The following INTS5 variants were observed in gnomAD, a reference collection of about 807,000 sequenced individuals.
INTS5 encodes KIAA1698.
A neutral mutation model predicts 60.0 loss-of-function variants in INTS5; 29 were observed. The observed-to-expected ratio is 0.48, with a 90% confidence interval of 0.36 to 0.66. The LOEUF (loss-of-function observed/expected upper bound fraction) is 0.66, where lower values mean the gene tolerates loss of function less well. Ranked by LOEUF, INTS5 falls within the 30% of genes least tolerant of loss-of-function variation. The probability of loss-of-function intolerance (pLI) is 0.00; values close to 1 mark genes in which losing one functional copy is unlikely to be tolerated. For synonymous variants in INTS5, 588 were observed against 558.8 expected, an observed-to-expected ratio of 1.05 and a Z score of -0.74; for missense variants, 1,129 against 1,307.9, an observed-to-expected ratio of 0.86 and a Z score of 2.11.
rs373410589 is a variant in INTS5 at position 62,649,891 on chromosome 11, G to A, written c.189C>T (p.Leu63=). 20 of 1,614,174 alleles carry A rather than the reference G, an allele frequency of 1.2e-5. No individual in the cohort carries two copies. The highest frequency in any genetic ancestry group is 1.7e-5 in the Non-Finnish European group (20 of 1,180,030). The change falls in exon 2 of 2, where the codon CTC becomes CTT. Residue 63 remains leucine, a synonymous_variant. Coordinates refer to ENST00000330574, the MANE Select transcript of INTS5 (RefSeq NM_030628.2). The surrounding 1 kb of genome is among the most constrained non-coding windows in gnomAD (Gnocchi z 6.0). ...CAGCCCGAGCAGGTGGCAAAGAACG[G>A]AGCAGGAGAAGACCACAGCGAGCAT... ...REHARCGLLL[L]RSLPPARAAV... is the part of the protein sequence containing the mutation.
In INTS5 at chr11:62,647,581, G is replaced by A. The variant is rs757840105; in HGVS notation, c.2499C>T (p.Pro833=). The change falls in exon 2 of 2, where the codon CCC becomes CCT. Residue 833 remains proline, a synonymous_variant. Transcript: ENST00000330574. ...DAAGAELAWP[P]EEHARATVER... ...CCACGGTGGCCCGGGCGTGTTCCTCGGGGGGCCAGGCCAGCTCTGCACCAG... is the reference window on the plus strand; with the variant it reads ...CCACGGTGGCCCGGGCGTGTTCCTCAGGGGGCCAGGCCAGCTCTGCACCAG... The A allele has an allele frequency of 1.5e-5, 25 of 1,613,764 alleles. No individual in the cohort carries two copies. Among genetic ancestry groups the A allele is most frequent in the Non-Finnish European group, 1.9e-5 (23 of 1,180,016 alleles).
At position 62,649,453 on chromosome 11, in the gene INTS5, C is replaced by G; in HGVS notation, c.627G>C (p.Val209=). The change falls in exon 2 of 2, where the codon GTG becomes GTC. Residue 209 remains valine (V), a synonymous_variant. Coordinates refer to ENST00000330574, the MANE Select transcript of INTS5 (RefSeq NM_030628.2). The surrounding 1 kb of genome is among the most constrained non-coding windows in gnomAD (Gnocchi z 6.0). ...ALIGSCPDAC[V]DALLDTSVQH... ...GAACAGAGGTATCCAGCAAGGCATC[C>G]ACACACGCATCTGGGCAGCTACCAA... 1 of 1,614,194 alleles carries G rather than the reference C, an allele frequency of 6.2e-7. No homozygotes were observed.
Position 62,648,951 on chromosome 11 carries a change from G to A in INTS5, c.1129C>T (p.Gln377Ter). 6.2e-7 allele frequency: 1 copy of A among 1,612,796 alleles called. No individual in the cohort carries two copies. Among genetic ancestry groups the A allele is most frequent in the Non-Finnish European group, 8.5e-7 (1 of 1,179,360 alleles). ...AVLSQLQQHL[Q>*]GFPREELDNM... The stretch of plus-strand genomic sequence containing the variant: ...TCCAGCTCCTCTCGGGGGAATCCTT[G>A]AAGGTGTTGCTGCAGCTGGCTCAGC... Residue 377 changes from glutamine to a stop codon, truncating the protein, a stop_gained, in exon 2 of 2, where the codon CAA becomes TAA. Coordinates refer to ENST00000330574, the MANE Select transcript of INTS5 (RefSeq NM_030628.2). LOFTEE classifies it high-confidence loss of function. The surrounding 1 kb of genome is among the most constrained non-coding windows in gnomAD (Gnocchi z 4.4).
chr11:62,649,279 A>G lies in INTS5; in HGVS notation c.801T>C (p.Ser267=), dbSNP rs187940318. ...GGGAGSSGGS[S]SQTPSTDPFP... is the part of the protein sequence containing the mutation. ...AGGGGTCTGTAGAGGGGGTCTGAGA[A>G]GAGCTTCCACCACTACTGCCAGCTC... The change falls in exon 2 of 2, where the codon TCT becomes TCC. Residue 267 remains serine (S), a synonymous_variant. Coordinates refer to ENST00000330574, the MANE Select transcript of INTS5 (RefSeq NM_030628.2). The surrounding 1 kb of genome is among the most constrained non-coding windows in gnomAD (Gnocchi z 6.0). 98 of 1,614,118 alleles carry G rather than the reference A, an allele frequency of 6.1e-5. No individual in the cohort carries two copies. Among genetic ancestry groups the G allele is most frequent in the Middle Eastern group, 4.9e-4 (3 of 6,062 alleles).
Position 62,647,244 on chromosome 11 carries a change from C to T in INTS5, c.2836G>A (p.Val946Ile), listed in dbSNP as rs1459692234. 4 of 1,614,252 alleles carry T rather than the reference C, an allele frequency of 2.5e-6. No individual in the cohort carries two copies. The South Asian group carries it at 3.3e-5, about 13-fold the overall frequency. The change falls in exon 2 of 2, where the codon GTC (valine) becomes ATC (isoleucine). Residue 946 changes from valine to isoleucine, a missense_variant. Val to Ile is a conservative substitution (Grantham distance 29). Around this residue, in one of 3 missense-constraint regions of INTS5, gnomAD observed 1,070 missense variants for 1,246.1 expected, o/e 0.86. Transcript: ENST00000330574. Reference protein sequence around the residue: ...PFEVRLLLLSVWGFLREHGPL... With the variant: ...PFEVRLLLLSIWGFLREHGPL... ...CCATGCTCCCGGAGAAAACCCCAGACACTGAGCAGCAGCAGACGCACCTCG... is the reference window on the plus strand; with the variant it reads ...CCATGCTCCCGGAGAAAACCCCAGATACTGAGCAGCAGCAGACGCACCTCG...
chr11:62,647,895 A>C lies in INTS5; in HGVS notation c.2185T>G (p.Leu729Val). The change falls in exon 2 of 2, where the codon TTG (leucine) becomes GTG (valine). Residue 729 changes from leucine to valine, a missense_variant. Physicochemically the swap from Leu to Val is conservative, Grantham distance 32. This residue lies in a region of INTS5 where 1,070 missense variants were observed against 1,246.1 expected (regional missense o/e 0.86). Transcript: ENST00000330574. Reference protein sequence around the residue: ...VSASLASASLLDTNRRHTAAV... With the variant: ...VSASLASASLVDTNRRHTAAV... ...GCAGTGTGCCTCCGGTTAGTGTCCA[A>C]CAGGGAGGCAGAAGCCAAAGAAGCT... 6.2e-7 allele frequency: 1 copy of C among 1,614,224 alleles called. No homozygotes were observed. The highest frequency in any genetic ancestry group is 8.5e-7 in the Non-Finnish European group (1 of 1,180,042).
At position 62,647,604 on chromosome 11, in the gene INTS5, C is replaced by T. The variant is rs1944539245; in HGVS notation, c.2476G>A (p.Gly826Ser). Residue 826 changes from glycine (G) to serine (S), a missense_variant, in exon 2 of 2, where the codon GGT becomes AGT. This residue lies in a region of INTS5 where 1,070 missense variants were observed against 1,246.1 expected (regional missense o/e 0.86). Transcript: ENST00000330574. The stretch of plus-strand genomic sequence containing the variant: ...TCGGGGGGCCAGGCCAGCTCTGCAC[C>T]AGCTGCATCGGGACACACACTCTCC... ...LVESVCPDAA[G>S]AELAWPPEEH... 6.2e-7 allele frequency: 1 copy of T among 1,613,998 alleles called. No individual in the cohort carries two copies. Among genetic ancestry groups the T allele is most frequent in the Non-Finnish European group, 8.5e-7 (1 of 1,180,014 alleles).
rs1306797736 is a variant in INTS5, at chr11:62,650,006, G to A, written c.81-7C>T. 1 of 1,607,542 alleles carries A rather than the reference G, an allele frequency of 6.2e-7. No individual in the cohort carries two copies. Among genetic ancestry groups the A allele is most frequent in the Non-Finnish European group, 8.5e-7 (1 of 1,174,836 alleles). ...CTGGGACAGCTCCTGAGCACTACAAGGAAGCAAAAGAAACAGACTTAAGAG... is the reference window on the plus strand; with the variant it reads ...CTGGGACAGCTCCTGAGCACTACAAAGAAGCAAAAGAAACAGACTTAAGAG... On this transcript the variant is annotated splice_region_variant and splice_polypyrimidine_tract_variant and intron_variant, in intron 1 of 1. Coordinates refer to ENST00000330574, the MANE Select transcript of INTS5 (RefSeq NM_030628.2).
At position 62,647,431 on chromosome 11, in the gene INTS5, G is replaced by A. The variant is rs538362964; in HGVS notation, c.2649C>T (p.Ala883=). ...AGGCTTCCCAATGGCCCAAGAGGGC[G>A]GCCAGCAGCCCCCGAAGCAGCACGG... The part of the protein sequence containing the change: ...YCSVLLRGLL[A]ALLGHWEASR... The change falls in exon 2 of 2, where the codon GCC becomes GCT. Residue 883 remains alanine, a synonymous_variant. Transcript: ENST00000330574. The A allele has an allele frequency of 2.5e-5, 41 of 1,609,234 alleles. No individual in the cohort carries two copies. In the South Asian group the frequency reaches 3.7e-4, roughly 15 times the overall value.
chr11:62,653,277 C>G lies in INTS5; in HGVS notation c.-28G>C, dbSNP rs1445972075. 8.1e-7 allele frequency: 1 copy of G among 1,240,472 alleles called. No homozygotes were observed. Among genetic ancestry groups the G allele is most frequent in the East Asian group, 3.2e-5 (1 of 31,572 alleles). 76.8% of individuals were successfully genotyped at this position (1,240,472 alleles called of 1,614,324 possible). ...CGGAGCCCGAGCCGAGCCCGAGGCG[C>G]GAGCGGCGGAGCGCAGGCGGCGCAT... On this transcript the variant is annotated 5_prime_UTR_variant, in exon 1 of 2. Transcript: ENST00000330574.
Position 62,648,421 on chromosome 11 carries a change from A to G in INTS5, c.1659T>C (p.Ala553=), listed in dbSNP as rs748982361. 1.9e-6 allele frequency: 3 copies of G among 1,614,216 alleles called. No homozygotes were observed. In the Admixed American group the frequency reaches 5.0e-5, roughly 27 times the overall value. The part of the protein sequence containing the change: ...VVSLSGLLPL[A]FRSCLARVHA... ...GCACCCGAGCCAGACAGCTTCGGAA[A>G]GCCAGGGGCAGGAGGCCAGAGAGGC... Residue 553 remains alanine (A), a synonymous_variant, in exon 2 of 2, where the codon GCT becomes GCC. Coordinates refer to ENST00000330574, the MANE Select transcript of INTS5 (RefSeq NM_030628.2). The surrounding 1 kb of genome is among the most constrained non-coding windows in gnomAD (Gnocchi z 4.4).
In INTS5 at chr11:62,649,844, C is replaced by A. The variant is rs1410630298; in HGVS notation, c.236G>T (p.Gly79Val). The A allele has an allele frequency of 3.1e-6, 5 of 1,614,024 alleles. No individual in the cohort carries two copies. The African/African-American group carries it at 6.7e-5, about 22-fold the overall frequency. Reference sequence around the variant, plus strand: ...GGCCCGGACACTCTCATCAAAGACACCTCTCAAGTGGTCAAGCACAGCAGC... The same window carrying A: ...GGCCCGGACACTCTCATCAAAGACAACTCTCAAGTGGTCAAGCACAGCAGC... The part of the protein sequence containing the change: ...ARAAVLDHLR[G>V]VFDESVRAHL... The change falls in exon 2 of 2, where the codon GGT becomes GTT. Residue 79 changes from glycine (G) to valine (V), a missense_variant. Gly to Val is a moderately radical substitution (Grantham distance 109). Coordinates refer to ENST00000330574, the MANE Select transcript of INTS5 (RefSeq NM_030628.2). This position sits in a 1 kb window ranked among gnomAD's most constrained non-coding sequence, Gnocchi z 6.0.
Position 62,648,992 on chromosome 11 carries a change from A to T in INTS5, c.1088T>A (p.Leu363His), listed in dbSNP as rs146635467. 1 of 1,613,214 alleles carries T rather than the reference A, an allele frequency of 6.2e-7. No homozygotes were observed. The highest frequency in any genetic ancestry group is 8.5e-7 in the Non-Finnish European group (1 of 1,179,746). ...CTGGCTCAGCACAGCTGGGGGCTTG[A>T]GGCAATCCACAAGCTCTCCAGAGAC... ...GTVSGELVDC[L>H]KPPAVLSQLQ... Residue 363 changes from leucine (L) to histidine (H), a missense_variant, in exon 2 of 2, where the codon CTC (leucine) becomes CAC (histidine). This residue lies in a region of INTS5 where 1,070 missense variants were observed against 1,246.1 expected (regional missense o/e 0.86). Coordinates refer to ENST00000330574, the MANE Select transcript of INTS5 (RefSeq NM_030628.2). The surrounding 1 kb of genome is among the most constrained non-coding windows in gnomAD (Gnocchi z 4.4).
At position 62,647,031 on chromosome 11, in the gene INTS5, G is replaced by T. The variant is rs1944520672; in HGVS notation, c.3049C>A (p.Gln1017Lys). 6.2e-7 allele frequency: 1 copy of T among 1,610,102 alleles called. No homozygotes were observed. Among genetic ancestry groups the T allele is most frequent in the Non-Finnish European group, 8.5e-7 (1 of 1,176,914 alleles). Residue 1017 changes from glutamine to lysine, a missense_variant, in exon 2 of 2, where the codon CAG (glutamine) becomes AAG (lysine). Around this residue, in one of 3 missense-constraint regions of INTS5, gnomAD observed 1,070 missense variants for 1,246.1 expected, o/e 0.86. Coordinates refer to ENST00000330574, the MANE Select transcript of INTS5 (RefSeq NM_030628.2). ...AGAGCAAGAAAAGGCTACGTCCCCT[G>T]TCGAAGGAGAGTGGACGGTGAAGGT... ...QAPSPSTLLR[Q>K]GT
In INTS5 at chr11:62,653,275, C is replaced by A. The variant is rs964811302; in HGVS notation, c.-26G>T. 15 of 1,240,906 alleles carry A rather than the reference C, an allele frequency of 1.2e-5. No homozygotes were observed. Among genetic ancestry groups the A allele is most frequent in the Non-Finnish European group, 1.4e-5 (14 of 985,836 alleles). 76.9% of individuals were successfully genotyped at this position (1,240,906 alleles called of 1,614,324 possible). On this transcript the variant is annotated 5_prime_UTR_variant, in exon 1 of 2. Coordinates refer to ENST00000330574, the MANE Select transcript of INTS5 (RefSeq NM_030628.2). The stretch of plus-strand genomic sequence containing the variant: ...CCCGGAGCCCGAGCCGAGCCCGAGG[C>A]GCGAGCGGCGGAGCGCAGGCGGCGC...
chr11:62,648,814 G>A lies in INTS5; in HGVS notation c.1266C>T (p.Thr422=). The A allele has an allele frequency of 1.2e-6, 2 of 1,614,146 alleles. No homozygotes were observed. The highest frequency in any genetic ancestry group is 1.1e-5 in the South Asian group (1 of 91,088). Residue 422 remains threonine (T), a synonymous_variant, in exon 2 of 2, where the codon ACC becomes ACT. Transcript: ENST00000330574. The surrounding 1 kb of genome is among the most constrained non-coding windows in gnomAD (Gnocchi z 4.4). ...CGGTGTCTGGCACAGCCAGGCCCTG[G>A]GTGGTAATGACCGAAGCAGGCATAG... ...DTAMPASVIT[T]QGLAVPDTVR...
Position 62,653,255 on chromosome 11 carries a change from A to G in INTS5, c.-6T>C, listed in dbSNP as rs1944611581. ...GGGTCGCACAGCGCGGACATCCCGG[A>G]GCCCGAGCCGAGCCCGAGGCGCGAG... On this transcript the variant is annotated 5_prime_UTR_variant, in exon 1 of 2. Coordinates refer to ENST00000330574, the MANE Select transcript of INTS5 (RefSeq NM_030628.2). 5.6e-6 allele frequency: 7 copies of G among 1,242,088 alleles called. No individual in the cohort carries two copies. Among genetic ancestry groups the G allele is most frequent in the Non-Finnish European group, 6.1e-6 (6 of 987,330 alleles). 76.9% of individuals were successfully genotyped at this position (1,242,088 alleles called of 1,614,324 possible).
chr11:62,653,019 G>A (rs1264131890), intron 1 of INTS5, 151 bp downstream of exon 1: 3 of 477,242 alleles, frequency 6.3e-6, no homozygotes, highest in Non-Finnish European at 1.0e-5. Flanking sequence ...CTGAGTTTTG[G>A]TGAAGCAGTC....
chr11:62,648,828 A>G lies in INTS5; in HGVS notation c.1252T>C (p.Ser418Pro). Residue 418 changes from serine to proline, a missense_variant, in exon 2 of 2, where the codon TCG becomes CCG. Ser to Pro is a moderately conservative substitution (Grantham distance 74). This residue lies in a region of INTS5 where 1,070 missense variants were observed against 1,246.1 expected (regional missense o/e 0.86). Transcript: ENST00000330574. The surrounding 1 kb of genome is among the most constrained non-coding windows in gnomAD (Gnocchi z 4.4). ...GCCAGGCCCTGGGTGGTAATGACCG[A>G]AGCAGGCATAGCTGTGTCCACCAGG... Reference protein sequence around the residue: ...QFLVDTAMPASVITTQGLAVP... With the variant: ...QFLVDTAMPAPVITTQGLAVP... 1 of 1,614,038 alleles carries G rather than the reference A, an allele frequency of 6.2e-7. No individual in the cohort carries two copies. Among genetic ancestry groups the G allele is most frequent in the Non-Finnish European group, 8.5e-7 (1 of 1,180,028 alleles).
Sources: allele counts gnomAD v4.1 joint callset, GRCh38; gene constraint gnomAD v4.1.1; regional missense constraint gnomAD v4.1.1; non-coding constraint Gnocchi (gnomAD v3.1); transcripts MANE v1.5; gene names NCBI Gene and HGNC (gene_info 2026-07-23, HGNC 2026-07-21).